The following PTPRD variants were observed in gnomAD, a reference collection of about 807,000 sequenced individuals.
PTPRD encodes the protein receptor-type tyrosine-protein phosphatase delta.
PTPRD carries 34 observed loss-of-function variants against 214.5 expected under a neutral mutation model. The ratio of observed to expected loss-of-function variants is 0.16; its 90% CI spans 0.12 to 0.21. The LOEUF (loss-of-function observed/expected upper bound fraction) is 0.21. Ranked by LOEUF, PTPRD falls within the 10% of genes least tolerant of loss-of-function variation. The pLI, the probability that PTPRD is intolerant of heterozygous loss-of-function variation, is 1.00. For missense variants in PTPRD, 2,545 were observed against 2,398.7 expected, an observed-to-expected ratio of 1.06 and a Z score of -1.27; for synonymous variants, 1,128 against 845.7, an observed-to-expected ratio of 1.33 and a Z score of -5.79.
At chr9:10,250,402 AC>A (rs2092664050) in intron 3 of PTPRD, among the ~76,000 whole-genome samples, 1 of 152,126 alleles carries the variant, frequency 6.6e-6, no homozygotes, top group African/African-American at 2.4e-5. Flanking sequence ...GACAAGATGT[AC>A]TGGAACCAAA....
rs553414156 is a variant in PTPRD at position 8,940,343 on chromosome 9, C to T, written c.-104+78354G>A. ...TGTCACCCAGGCTGGAGTGCAGTGGCGCAATCTTGGCCCACTGCAACCTCT... is the reference window on the plus strand; with the variant it reads ...TGTCACCCAGGCTGGAGTGCAGTGGTGCAATCTTGGCCCACTGCAACCTCT... On this transcript the variant is annotated intron_variant, in intron 11 of 45. Coordinates refer to ENST00000381196, the MANE Select transcript of PTPRD (RefSeq NM_002839.4). 1.7e-4 allele frequency among the ~76,000 whole-genome samples: 22 copies of T among 131,600 alleles called. 1 individual carries two copies. Among genetic ancestry groups the T allele is most frequent in the Middle Eastern group, 5.4e-3 (1 of 186 alleles). The allele number at this position is 131,600 out of a possible 152,430, so 86.3% of individuals were successfully genotyped here. A position where few individuals can be genotyped will look rare whatever the true frequency, so the allele number is the denominator to read the frequency against.
chr9:8,399,324 G>A (rs1360242053), intron 36 of PTPRD, among the ~76,000 whole-genome samples: 2 of 152,132 alleles, frequency 1.3e-5, no homozygotes, highest in East Asian at 3.9e-4. Flanking sequence ...GATTGTATAT[G>A]CATGAACTTT....
At chr9:9,889,047 A>G (rs1444644414) in intron 5 of PTPRD, among the ~76,000 whole-genome samples, 1 of 152,176 alleles carries the variant, frequency 6.6e-6, no homozygotes, top group African/African-American at 2.4e-5. Flanking sequence ...GATCTCACTC[A>G]TATGTGGAAT....
chr9:9,000,728 C>G (rs1276922502), intron 11 of PTPRD, among the ~76,000 whole-genome samples: 1 of 151,928 alleles, frequency 6.6e-6, no homozygotes, highest in Admixed American at 6.6e-5. Context: ...AGCTCTCATT[C>G]CACCAAATTA....
At chr9:10,091,465 A>T (rs1357745563) in intron 3 of PTPRD, among the ~76,000 whole-genome samples, 2 of 151,610 alleles carry the variant, frequency 1.3e-5, no homozygotes, top group Non-Finnish European at 3.0e-5. Flanking sequence ...TGTCAAAAAT[A>T]TAAAAATATA....
At chr9:9,450,389 T>C (rs948983010) in intron 8 of PTPRD, among the ~76,000 whole-genome samples, 2 of 151,966 alleles carry the variant, frequency 1.3e-5, no homozygotes, top group African/African-American at 4.8e-5. Context: ...ACCAGCAGTA[T>C]AAAAGTGTTC....
At chr9:10,190,386 GAAAAAAA>G (rs66511711) in intron 3 of PTPRD, among the ~76,000 whole-genome samples, 28 of 50,146 alleles carry the variant, frequency 5.6e-4, no homozygotes, top group African/African-American at 2.0e-3. Flanking sequence ...TCTATCTCCA[GAAAAAAA>G]AAAAAAAAAA....
intron 4 of PTPRD, among the ~76,000 whole-genome samples, chr9:9,947,009 A>G (rs2092653497): frequency 6.6e-6 from 1 of 151,638 alleles, no homozygotes; most frequent in Non-Finnish European, 1.5e-5. Flanking sequence ...TTTGCTTGTG[A>G]AGATCAGAAA....
intron 3 of PTPRD, among the ~76,000 whole-genome samples, chr9:10,239,190 T>G (rs561575307): frequency 6.6e-6 from 1 of 152,104 alleles, no homozygotes; most frequent in East Asian, 1.9e-4. Context: ...GACTTTCCTT[T>G]AAATCAATAG....
chr9:10,127,889 C>G (rs1166583570), intron 3 of PTPRD, among the ~76,000 whole-genome samples: 1 of 152,162 alleles, frequency 6.6e-6, no homozygotes, highest in East Asian at 1.9e-4. Context: ...GTCACTATCA[C>G]AGAGATCAGT....
chr9:10,120,120 T>A (rs1423266759), intron 3 of PTPRD, among the ~76,000 whole-genome samples: 1 of 152,030 alleles, frequency 6.6e-6, no homozygotes, highest in Non-Finnish European at 1.5e-5. Flanking sequence ...AAAATAAAAC[T>A]GACATTTGGT....
At chr9:9,360,121 T>A (rs2055472754) in intron 9 of PTPRD, among the ~76,000 whole-genome samples, 1 of 151,228 alleles carries the variant, frequency 6.6e-6, no homozygotes, top group South Asian at 2.1e-4. Flanking sequence ...GTAAGTACAA[T>A]GTGTTTAGAT....
intron 5 of PTPRD, among the ~76,000 whole-genome samples, chr9:9,788,347 C>T (rs866083789): frequency 6.6e-6 from 1 of 150,716 alleles, no homozygotes; most frequent in Non-Finnish European, 1.5e-5. Flanking sequence ...GTCAGGAGAT[C>T]GAGACCATCC....
intron 8 of PTPRD, among the ~76,000 whole-genome samples, chr9:9,465,614 G>C (rs1033554649): frequency 6.6e-6 from 1 of 152,182 alleles, no homozygotes; most frequent in East Asian, 1.9e-4. Flanking sequence ...CCAAATTCCT[G>C]ATTTTTGAGA....
At chr9:10,169,709 C>T (rs976725931) in intron 3 of PTPRD, among the ~76,000 whole-genome samples, 1 of 152,010 alleles carries the variant, frequency 6.6e-6, no homozygotes, top group African/African-American at 2.4e-5. Context: ...CAGGAAATAC[C>T]AGAACAAAAC....
At chr9:9,901,046 C>G (rs57743751) in intron 5 of PTPRD, among the ~76,000 whole-genome samples, 8,152 of 152,168 alleles carry the variant, frequency 0.054, 778 homozygotes, top group African/African-American at 0.19. Context: ...GGCTGTACAA[C>G]AATGGCACCA....
intron 3 of PTPRD, among the ~76,000 whole-genome samples, chr9:10,304,143 A>G (rs572196555): frequency 2.1e-4 from 32 of 152,318 alleles, no homozygotes; most frequent in Non-Finnish European, 3.5e-4. Flanking sequence ...CATCACATAA[A>G]CAGAACCAAT....
At chr9:9,257,704 A>G (rs902978289) in intron 9 of PTPRD, among the ~76,000 whole-genome samples, 2 of 151,932 alleles carry the variant, frequency 1.3e-5, no homozygotes, top group African/African-American at 4.8e-5. Flanking sequence ...GGATTGGTTA[A>G]GCCCAGGAGT....
chr9:8,606,750 T>C (rs2095236594), intron 14 of PTPRD, among the ~76,000 whole-genome samples: 1 of 152,256 alleles, frequency 6.6e-6, no homozygotes, highest in African/African-American at 2.4e-5. Flanking sequence ...AAGGTCATTT[T>C]TATATCTATA....
Sources: allele counts gnomAD v4.1 joint callset (sites outside exome capture counted in the v4.1 genomes callset), GRCh38; gene constraint gnomAD v4.1.1; transcripts MANE v1.5; gene names NCBI Gene and HGNC (gene_info 2026-07-23, HGNC 2026-07-21).